The following JAKMIP3 variants were observed in gnomAD, a reference collection of about 807,000 sequenced individuals.
The protein encoded by JAKMIP3 is Janus kinase and microtubule interacting protein 3.
JAKMIP3 carries 58 observed loss-of-function variants against 118.5 expected under a neutral mutation model. That is an observed-to-expected ratio of 0.49 (90% CI 0.40 to 0.61). The LOEUF is 0.61. JAKMIP3 is among the 20% of genes least tolerant of loss of function. JAKMIP3 has a pLI of 0.00. For missense variants in JAKMIP3, 950 were observed against 1,109.0 expected, an observed-to-expected ratio of 0.86 and a Z score of 2.04; for synonymous variants, 486 against 451.2, an observed-to-expected ratio of 1.08 and a Z score of -0.98.
At chr10:132,111,271 G>T (rs1037007040) in intron 2 of JAKMIP3, among the ~76,000 whole-genome samples, 7 of 152,194 alleles carry the variant, frequency 4.6e-5, no homozygotes, top group Non-Finnish European at 7.3e-5. Flanking sequence ...GACAGGGGCC[G>T]AGGCAAGGGG....
chr10:132,123,290 G>A (rs1037833256), intron 3 of JAKMIP3, among the ~76,000 whole-genome samples: 2 of 152,170 alleles, frequency 1.3e-5, no homozygotes, highest in African/African-American at 2.4e-5. Context: ...AGCCGTCTGG[G>A]TGCACGCAGC....
intron 1 of JAKMIP3, among the ~76,000 whole-genome samples, chr10:132,103,466 GA>G (rs2045397904): frequency 1.2e-5 from 1 of 84,350 alleles, no homozygotes. Context: ...GGGGGGGGAG[GA>G]GCAGCTGGAG....
chr10:132,122,053 C>T (rs1215881487), intron 3 of JAKMIP3, among the ~76,000 whole-genome samples: 1 of 152,232 alleles, frequency 6.6e-6, no homozygotes, highest in East Asian at 1.9e-4. Context: ...ACTACTCAGT[C>T]CCCAGCACCT....
At chr10:132,165,206 G>T (rs1174268271) in intron 21 of JAKMIP3, among the ~76,000 whole-genome samples, 1 of 152,226 alleles carries the variant, frequency 6.6e-6, no homozygotes, top group Non-Finnish European at 1.5e-5. Flanking sequence ...GGCTGGGGAG[G>T]GCTGTCTGGC....
Position 132,149,441 on chromosome 10 carries a change from C to G in JAKMIP3, c.1878C>G (p.Ser626Arg). 6.2e-7 allele frequency: 1 copy of G among 1,606,402 alleles called. No individual in the cohort carries two copies. Among genetic ancestry groups the G allele is most frequent in the Non-Finnish European group, 8.5e-7 (1 of 1,177,248 alleles). The change falls in exon 15 of 24, where the codon AGC (serine) becomes AGG (arginine). Residue 626 changes from serine (S) to arginine (R), a missense_variant. Coordinates refer to ENST00000684848, the MANE Select transcript of JAKMIP3 (RefSeq NM_001323087.2). Reference protein sequence around the residue: ...EERERKSPAISFHHTPFVDGK... With the variant: ...EERERKSPAIRFHHTPFVDGK... ...GGGAGAGGAAGTCACCCGCCATCAG[C>G]TTCCACCACACGCCCTTCGTGGACG... is the stretch of plus-strand genomic sequence containing the variant.
At chr10:132,121,481 G>A (rs573189471) in intron 3 of JAKMIP3, among the ~76,000 whole-genome samples, 1 of 152,306 alleles carries the variant, frequency 6.6e-6, no homozygotes, top group African/African-American at 2.4e-5. Flanking sequence ...TGGGACGCTC[G>A]GCCTCACCGG....
At chr10:132,145,039 A>T in intron 11 of JAKMIP3, 68 bp from the exon 12 acceptor site, 1 of 1,343,972 alleles carries the variant, frequency 7.4e-7, no homozygotes, top group Admixed American at 1.9e-5. Context: ...CTGACGTCCC[A>T]CGAGTGTGTG....
intron 3 of JAKMIP3, among the ~76,000 whole-genome samples, chr10:132,125,820 G>A (rs1437473904): frequency 6.6e-6 from 1 of 151,946 alleles, no homozygotes; most frequent in African/African-American, 2.4e-5. Flanking sequence ...TTTTTATATC[G>A]ATCTTCTAAC....
chr10:132,045,624 T>C (rs2037884875), intron 1 of JAKMIP3, among the ~76,000 whole-genome samples: 1 of 152,178 alleles, frequency 6.6e-6, no homozygotes, highest in Non-Finnish European at 1.5e-5. Flanking sequence ...TGTTTATAAT[T>C]CTTTATTTCA....
At chr10:132,170,217 A>G (rs2059350713) in intron 23 of JAKMIP3, 1 of 152,190 alleles carries the variant, frequency 6.6e-6, no homozygotes, top group African/African-American at 2.4e-5. Flanking sequence ...CAAGCATAAC[A>G]TCTCTAACTG....
At chr10:132,154,202 T>A (rs2056704699) in intron 19 of JAKMIP3, among the ~76,000 whole-genome samples, 2 of 152,216 alleles carry the variant, frequency 1.3e-5, no homozygotes, top group South Asian at 4.2e-4. Flanking sequence ...GCAGGATTAG[T>A]TGAGGAGGCC....
At chr10:132,176,059 G>A (rs1470013944) in intron 23 of JAKMIP3, among the ~76,000 whole-genome samples, 3 of 152,226 alleles carry the variant, frequency 2.0e-5, no homozygotes, top group Admixed American at 1.3e-4. Flanking sequence ...CTTGGAAGCA[G>A]AGGCTGCCAG....
intron 1 of JAKMIP3, among the ~76,000 whole-genome samples, chr10:132,070,340 G>A (rs958030007): frequency 1.3e-5 from 2 of 152,072 alleles, no homozygotes; most frequent in Non-Finnish European, 2.9e-5. Context: ...TAGAGATGGG[G>A]TTTCGCCATG....
intron 1 of JAKMIP3, among the ~76,000 whole-genome samples, chr10:132,101,705 G>A (rs2044949053): frequency 6.6e-6 from 1 of 152,052 alleles, no homozygotes; most frequent in South Asian, 2.1e-4. Context: ...GTCCTGGGGT[G>A]CCGCTGGAAG....
intron 1 of JAKMIP3, among the ~76,000 whole-genome samples, chr10:132,048,560 G>A (rs1165749712): frequency 6.6e-6 from 1 of 151,964 alleles, no homozygotes; most frequent in Non-Finnish European, 1.5e-5. Flanking sequence ...TGGCTGCTGT[G>A]TTCTGTTGAC....
chr10:132,138,467 CGTGTGTGGAGAGCGCTGGT>C (rs987144104), intron 9 of JAKMIP3, among the ~76,000 whole-genome samples: 7 of 151,480 alleles, frequency 4.6e-5, no homozygotes, highest in South Asian at 2.1e-4. Context: ...ACCGCGCCCG[CGTGTGTGGAGAGCGCTGGT>C]GTGTGTGGAG....
chr10:132,084,780 T>C (rs1340755435), intron 1 of JAKMIP3, among the ~76,000 whole-genome samples: 3 of 152,224 alleles, frequency 2.0e-5, no homozygotes, highest in Non-Finnish European at 4.4e-5. Flanking sequence ...GTTTTAATTA[T>C]AAAGGGATGC....
intron 1 of JAKMIP3, among the ~76,000 whole-genome samples, chr10:132,075,207 A>T (rs2040589816): frequency 6.6e-6 from 1 of 152,140 alleles, no homozygotes; most frequent in South Asian, 2.1e-4. Flanking sequence ...GTGAAAAATG[A>T]TGTTGGTAAT....
chr10:132,180,752 C>CGCGTGTGT (rs1423457354), intron 23 of JAKMIP3, among the ~76,000 whole-genome samples: 1,933 of 13,666 alleles, frequency 0.14, 728 homozygotes, highest in Non-Finnish European at 0.15. Context: ...CGTGCGCGCG[C>CGCGTGTGT]GTGTGTGCGT....
Sources: gnomAD v4.1 joint callset for allele counts (sites outside exome capture counted in the v4.1 genomes callset) on GRCh38, gnomAD v4.1.1 for gene constraint, MANE v1.5 for transcripts, NCBI Gene and HGNC (gene_info 2026-07-23, HGNC 2026-07-21) for gene names.